The following XYLT1 variants were observed in gnomAD, a reference collection of about 807,000 sequenced individuals.
The protein encoded by XYLT1 is xylosyltransferase 1, also known as beta-D-xylosyltransferase 1.
A neutral mutation model predicts 91.3 loss-of-function variants in XYLT1; 36 were observed. The ratio of observed to expected loss-of-function variants is 0.39; its 90% confidence interval spans 0.30 to 0.52. The LOEUF (loss-of-function observed/expected upper bound fraction) is 0.52, where lower values mean the gene tolerates loss of function less well. Among genes scored for constraint, XYLT1 ranks in the 20% least tolerant of loss-of-function variants. The pLI, the probability that XYLT1 is intolerant of heterozygous loss-of-function variation, is 0.68. For missense variants in XYLT1, 1,242 were observed against 1,284.5 expected, an observed-to-expected ratio of 0.97 and a Z score of 0.51; for synonymous variants, 588 against 532.0, an observed-to-expected ratio of 1.11 and a Z score of -1.45.
At position 17,141,291 on chromosome 16, in the gene XYLT1, G is replaced by A. The variant is rs1488440184; in HGVS notation, c.1449C>T (p.Ile483=). 1.9e-6 allele frequency: 3 copies of A among 1,614,028 alleles called. No individual in the cohort carries two copies. The Admixed American group carries it at 5.0e-5, about 27-fold the overall frequency. ...CGCCATCCACGGCAATGCCCTCTGG[G>A]ATCCGCCGATCTCCCAGGCGCCACA... ...AHMWRLGDRR[I]PEGIAVDGGS... Residue 483 remains isoleucine (I), a synonymous_variant, in exon 7 of 12, where the codon ATC becomes ATT. Transcript: ENST00000261381.
intron 1 of XYLT1, among the ~76,000 whole-genome samples, chr16:17,413,320 C>T (rs1261675474): frequency 6.6e-6 from 1 of 152,172 alleles, no homozygotes; most frequent in Admixed American, 6.5e-5. Flanking sequence ...ATGCTGGGTA[C>T]CCACACATGA....
chr16:17,349,085 G>A (rs1282896433), intron 2 of XYLT1, among the ~76,000 whole-genome samples: 3 of 152,230 alleles, frequency 2.0e-5, no homozygotes, highest in African/African-American at 7.2e-5. Context: ...GAAGGGAAAT[G>A]TGAGTATGGC....
chr16:17,130,458 TG>T (rs1434229312), intron 9 of XYLT1, among the ~76,000 whole-genome samples: 1 of 49,024 alleles, frequency 2.0e-5, no homozygotes, highest in Non-Finnish European at 4.1e-5. Flanking sequence ...AGTCAATCTT[TG>T]ATTACTTGCC....
At chr16:17,161,418 G>C (rs553535744) in intron 5 of XYLT1, among the ~76,000 whole-genome samples, 32 of 152,216 alleles carry the variant, frequency 2.1e-4, no homozygotes, top group African/African-American at 7.5e-4. Flanking sequence ...GGAAGGGTGG[G>C]GCGGGGGGAC....
At chr16:17,374,892 C>T (rs953653786) in intron 1 of XYLT1, among the ~76,000 whole-genome samples, 2 of 152,176 alleles carry the variant, frequency 1.3e-5, no homozygotes, top group Admixed American at 6.5e-5. Flanking sequence ...TTTACTCACA[C>T]CTACAATGTG....
At chr16:17,220,851 T>C (rs1401685344) in intron 3 of XYLT1, among the ~76,000 whole-genome samples, 1 of 152,216 alleles carries the variant, frequency 6.6e-6, no homozygotes, top group Non-Finnish European at 1.5e-5. Context: ...CAACTATGAC[T>C]GAGATCTCAC....
At chr16:17,138,591 G>A in intron 7 of XYLT1, 60 bp from the exon 8 acceptor site, 1 of 1,572,064 alleles carries the variant, frequency 6.4e-7, no homozygotes, top group Non-Finnish European at 8.7e-7. Context: ...GATGAACTGG[G>A]GTGGGAAATG....
chr16:17,209,476 CTGTT>C (rs1344002062), intron 3 of XYLT1, among the ~76,000 whole-genome samples: 2 of 152,160 alleles, frequency 1.3e-5, no homozygotes, highest in Admixed American at 6.5e-5. Context: ...GTACAAGTAC[CTGTT>C]TGAGTCACTG....
intron 6 of XYLT1, among the ~76,000 whole-genome samples, chr16:17,145,480 C>A (rs2031107882): frequency 6.6e-6 from 1 of 152,160 alleles, no homozygotes; most frequent in Non-Finnish European, 1.5e-5. Flanking sequence ...TATGAGATTT[C>A]TGGCAGGGAG....
At chr16:17,357,923 G>C (rs748291804) in intron 2 of XYLT1, 89 bp downstream of exon 2, 2 of 1,456,656 alleles carry the variant, frequency 1.4e-6, no homozygotes, top group Non-Finnish European at 1.9e-6. Context: ...CCATGGGCCT[G>C]TCCAGCCTTT....
intron 3 of XYLT1, among the ~76,000 whole-genome samples, chr16:17,242,771 TC>T (rs1268506913): frequency 6.6e-6 from 1 of 152,180 alleles, no homozygotes; most frequent in Non-Finnish European, 1.5e-5. Context: ...AATCCCTGTT[TC>T]TCTCTCCCTC....
At chr16:17,441,895 C>T (rs2036536774) in intron 1 of XYLT1, among the ~76,000 whole-genome samples, 2 of 152,188 alleles carry the variant, frequency 1.3e-5, no homozygotes, top group South Asian at 4.1e-4. Context: ...TTGCCATCCC[C>T]TTCTGTGATG....
At chr16:17,305,266 C>G (rs2034453778) in intron 2 of XYLT1, among the ~76,000 whole-genome samples, 1 of 152,174 alleles carries the variant, frequency 6.6e-6, no homozygotes, top group Non-Finnish European at 1.5e-5. Flanking sequence ...CCTAAGACTA[C>G]AGTAACTAAT....
chr16:17,344,339 A>T (rs1308428668), intron 2 of XYLT1, among the ~76,000 whole-genome samples: 1 of 151,386 alleles, frequency 6.6e-6, no homozygotes, highest in Non-Finnish European at 1.5e-5. Context: ...AAAAAAAAAA[A>T]AAAATTAGCC....
Position 17,317,571 on chromosome 16 carries a change from G to A in XYLT1, c.402+40441C>T, listed in dbSNP as rs533801064. ...CTTGAGCCCAGGAGATCGAGTTTGC[G>A]GTGAGCCATAATTGCACCACTGCAC... On this transcript the variant is annotated intron_variant, in intron 2 of 11. Coordinates refer to ENST00000261381, the MANE Select transcript of XYLT1 (RefSeq NM_022166.4). Among the ~76,000 whole-genome samples, 630 of 143,862 alleles carry A rather than the reference G, an allele frequency of 4.4e-3. 1 individual carries two copies. The highest frequency in any genetic ancestry group is 0.023 in the Middle Eastern group (6 of 262). 94.4% of individuals were successfully genotyped at this position (143,862 alleles called of 152,430 possible).
intron 1 of XYLT1, among the ~76,000 whole-genome samples, chr16:17,405,008 A>G (rs551539761): frequency 2.8e-4 from 43 of 152,260 alleles, no homozygotes; most frequent in African/African-American, 8.9e-4. Flanking sequence ...AACTTTCTGG[A>G]GGGATGACTC....
At chr16:17,208,013 G>A (rs1358392643) in intron 3 of XYLT1, among the ~76,000 whole-genome samples, 1 of 151,638 alleles carries the variant, frequency 6.6e-6, no homozygotes, top group East Asian at 1.9e-4. Flanking sequence ...CAGAGATTGA[G>A]TCTTGCTTTG....
At chr16:17,157,107 C>A (rs2031425568) in intron 6 of XYLT1, among the ~76,000 whole-genome samples, 1 of 151,938 alleles carries the variant, frequency 6.6e-6, no homozygotes, top group Non-Finnish European at 1.5e-5. Context: ...ACCACCACAC[C>A]CGGCTAATTT....
intron 2 of XYLT1, among the ~76,000 whole-genome samples, chr16:17,294,229 G>A (rs947299997): frequency 2.0e-5 from 3 of 152,092 alleles, no homozygotes; most frequent in African/African-American, 7.2e-5. Context: ...GGAAAGGGAG[G>A]TTTCTGGAAA....
Sources: allele counts gnomAD v4.1 joint callset (sites outside exome capture counted in the v4.1 genomes callset), GRCh38; gene constraint gnomAD v4.1.1; transcripts MANE v1.5; gene names NCBI Gene and HGNC (gene_info 2026-07-23, HGNC 2026-07-21).